Variants in TSPAN18 observed in about 807,000 individuals in gnomAD.
TSPAN18 encodes tetraspanin 18.
TSPAN18 carries 14 observed loss-of-function variants against 27.3 expected under a neutral mutation model. The ratio of observed to expected loss-of-function variants is 0.51; its 90% CI spans 0.34 to 0.80. TSPAN18 has a LOEUF of 0.80. Among genes scored for constraint, TSPAN18 ranks in the 30% least tolerant of loss-of-function variants. The pLI is 0.01. For synonymous variants in TSPAN18, 143 were observed against 136.5 expected (o/e 1.05, Z -0.33); for missense variants, 268 against 323.9 (o/e 0.83, Z 1.32).
At chr11:44,856,022 A>ACAGGCG (rs1362996679) in intron 2 of TSPAN18, among the ~76,000 whole-genome samples, 1 of 151,726 alleles carries the variant, frequency 6.6e-6, no homozygotes, top group Non-Finnish European at 1.5e-5. Context: ...AGCTGGGACT[A>ACAGGCG]CCAGTTGTGT....
At chr11:44,914,979 G>A (rs913604036) in intron 5 of TSPAN18, among the ~76,000 whole-genome samples, 3 of 152,226 alleles carry the variant, frequency 2.0e-5, no homozygotes, top group African/African-American at 4.8e-5. Context: ...GCATTACCTC[G>A]TGGAAGCCAT....
At chr11:44,880,394 G>GGGGTGTCA (rs1491231471) in intron 3 of TSPAN18, among the ~76,000 whole-genome samples, 1 of 102,280 alleles carries the variant, frequency 9.8e-6, no homozygotes, top group Admixed American at 9.5e-5. Context: ...CCCTGGTGAA[G>GGGGTGTCA]GGGTGTCACC....
In TSPAN18 at chr11:44,864,094, C is replaced by A. The variant is rs553422123; in HGVS notation, c.-11+3625C>A. Reference sequence around the variant, plus strand: ...TCAAGGTCAGGAGTTCGAGAGCAGCCTGGCCAACATAGTGAAACCCCGTCT... The same window carrying A: ...TCAAGGTCAGGAGTTCGAGAGCAGCATGGCCAACATAGTGAAACCCCGTCT... On this transcript the variant is annotated intron_variant, in intron 3 of 9. Coordinates refer to ENST00000520358, the MANE Select transcript of TSPAN18 (RefSeq NM_130783.5). Among the ~76,000 whole-genome samples, 5 of 152,012 alleles carry A rather than the reference C, an allele frequency of 3.3e-5. No homozygotes were observed. The South Asian group carries it at 1.0e-3, about 32-fold the overall frequency.
intron 3 of TSPAN18, among the ~76,000 whole-genome samples, chr11:44,880,825 T>C (rs1347030153): frequency 3.9e-5 from 6 of 152,216 alleles, no homozygotes; most frequent in Non-Finnish European, 8.8e-5. Flanking sequence ...GATTCCTCCG[T>C]GAGAGCCCAC....
intron 2 of TSPAN18, among the ~76,000 whole-genome samples, chr11:44,848,342 T>C (rs2135182088): frequency 1.3e-5 from 2 of 152,316 alleles, no homozygotes; most frequent in Middle Eastern, 3.4e-3. Context: ...CTTCCTGCTC[T>C]TGGAGCCAGG....
At chr11:44,744,848 C>G (rs1021685760) in intron 1 of TSPAN18, among the ~76,000 whole-genome samples, 3 of 152,204 alleles carry the variant, frequency 2.0e-5, no homozygotes, top group Non-Finnish European at 4.4e-5. Context: ...GGATGGCAGA[C>G]ACTTTTCATC....
intron 3 of TSPAN18, among the ~76,000 whole-genome samples, chr11:44,880,247 C>T (rs764085185): frequency 1.3e-5 from 2 of 152,198 alleles, no homozygotes; most frequent in African/African-American, 2.4e-5. Flanking sequence ...CCAAGATGTA[C>T]GGCAGGAATG....
chr11:44,819,920 G>C (rs1242769153), intron 2 of TSPAN18, among the ~76,000 whole-genome samples: 1 of 152,146 alleles, frequency 6.6e-6, no homozygotes, highest in East Asian at 1.9e-4. Flanking sequence ...GTCTGGCAAG[G>C]GGAAAGGGAG....
At chr11:44,778,587 T>A (rs2134941503) in intron 2 of TSPAN18, among the ~76,000 whole-genome samples, 2 of 152,094 alleles carry the variant, frequency 1.3e-5, no homozygotes, top group South Asian at 4.2e-4. Context: ...TTTCTCTACC[T>A]GTAAAATGGG....
At chr11:44,851,730 G>A (rs557882379) in intron 2 of TSPAN18, among the ~76,000 whole-genome samples, 39 of 152,070 alleles carry the variant, frequency 2.6e-4, no homozygotes, top group African/African-American at 5.1e-4. Flanking sequence ...GAGGCCCTGC[G>A]CTGTTGCCTT....
At chr11:44,726,859 G>T (rs1406730729), upstream of TSPAN18, 2 of 142,504 alleles carry the variant, frequency 1.4e-5, no homozygotes, top group African/African-American at 5.1e-5. Context: ...CAGCAACGGC[G>T]TCTGGAGCCG....
chr11:44,906,713 C>T (rs567302944), intron 4 of TSPAN18, among the ~76,000 whole-genome samples: 1 of 152,274 alleles, frequency 6.6e-6, no homozygotes, highest in South Asian at 2.1e-4. Context: ...TGGGTCAGCC[C>T]CTCTCAAAAA....
intron 2 of TSPAN18, among the ~76,000 whole-genome samples, chr11:44,772,849 G>T (rs59831848): frequency 0.046 from 7,057 of 151,854 alleles, 323 homozygotes; most frequent in East Asian, 0.15. Flanking sequence ...GTAGAAACAG[G>T]GTTTCTCCGT....
intron 5 of TSPAN18, among the ~76,000 whole-genome samples, chr11:44,911,410 G>T (rs1859707855): frequency 6.6e-6 from 1 of 152,188 alleles, no homozygotes; most frequent in African/African-American, 2.4e-5. Context: ...GAAGTCAGCT[G>T]CGAAATGAGT....
chr11:44,775,754 A>G (rs1855792183), intron 2 of TSPAN18, among the ~76,000 whole-genome samples: 1 of 152,232 alleles, frequency 6.6e-6, no homozygotes, highest in Non-Finnish European at 1.5e-5. Context: ...CTGCTAACCT[A>G]TAGAGGTCGA....
At chr11:44,756,763 C>G (rs7928775) in intron 1 of TSPAN18, among the ~76,000 whole-genome samples, 51,823 of 152,094 alleles carry the variant, frequency 0.34, 12,412 homozygotes, top group East Asian at 0.83. Context: ...TTTTAAGGTT[C>G]ACTAATACTC....
chr11:44,888,501 G>C (rs1163197432), intron 3 of TSPAN18, among the ~76,000 whole-genome samples: 1 of 152,124 alleles, frequency 6.6e-6, no homozygotes, highest in Non-Finnish European at 1.5e-5. Flanking sequence ...GAGGAAGTGG[G>C]AGAAACAGTC....
chr11:44,793,529 C>T (rs4755895), intron 2 of TSPAN18, among the ~76,000 whole-genome samples: 90,909 of 151,956 alleles, frequency 0.6, 29,946 homozygotes, highest in Middle Eastern at 0.75. Context: ...GCAGCAACGG[C>T]GTTGCTACAC....
intron 2 of TSPAN18, among the ~76,000 whole-genome samples, chr11:44,773,343 G>A (rs916156673): frequency 6.6e-6 from 1 of 152,026 alleles, no homozygotes; most frequent in Non-Finnish European, 1.5e-5. Context: ...TTGAACCTGG[G>A]AGGCGGAGGT....
Sources: allele counts gnomAD v4.1 joint callset (sites outside exome capture counted in the v4.1 genomes callset), GRCh38; gene constraint gnomAD v4.1.1; transcripts MANE v1.5; gene names NCBI Gene and HGNC (gene_info 2026-07-23, HGNC 2026-07-21).